C12orf42: variants seen among roughly 807,000 people sequenced by gnomAD.
The protein encoded by C12orf42 is chromosome 12 open reading frame 42.
In C12orf42, 25 loss-of-function variants were observed where a neutral mutation model predicts 21.6. That is an observed-to-expected ratio of 1.16 (90% CI 0.84 to 1.62). The LOEUF (loss-of-function observed/expected upper bound fraction) is 1.62. Ranked by LOEUF, C12orf42 falls within the 40% of genes most tolerant of loss-of-function variation. The pLI, the probability that C12orf42 is intolerant of heterozygous loss-of-function variation, is 0.00. For missense variants in C12orf42, 483 were observed against 459.3 expected (o/e 1.05, Z -0.47); for synonymous variants, 174 against 175.0 (o/e 0.99, Z 0.05).
the C12orf42 span, among the ~76,000 whole-genome samples, chr12:103,552,595 G>C: frequency 8.5e-5 from 13 of 152,164 alleles, no homozygotes; most frequent in Non-Finnish European, 1.3e-4. Flanking sequence ...TCACCCTAGA[G>C]ACAATGCTTG....
chr12:103,051,232 T>C, the C12orf42 span, among the ~76,000 whole-genome samples: 983 of 152,300 alleles, frequency 6.5e-3, 16 homozygotes, highest in African/African-American at 0.022. Flanking sequence ...CTAGTTCTAG[T>C]TGAACCATGC....
the C12orf42 span, among the ~76,000 whole-genome samples, chr12:103,159,825 C>T: frequency 6.6e-6 from 1 of 152,186 alleles, no homozygotes; most frequent in Non-Finnish European, 1.5e-5. Context: ...GGACCCCTGA[C>T]TCTTAGTTAG....
At chr12:103,158,894 A>G in the C12orf42 span, among the ~76,000 whole-genome samples, 7 of 150,188 alleles carry the variant, frequency 4.7e-5, no homozygotes, top group Non-Finnish European at 7.4e-5. Context: ...AAAAAAATGG[A>G]TTGATAGTCT....
intron 3 of C12orf42, among the ~76,000 whole-genome samples, chr12:103,393,422 C>T (rs1346004291): frequency 6.6e-6 from 1 of 152,146 alleles, no homozygotes; most frequent in African/African-American, 2.4e-5. Context: ...GATCCACGTC[C>T]ATAACCCAAA....
At chr12:103,205,673 G>A in the C12orf42 span, among the ~76,000 whole-genome samples, 1 of 152,038 alleles carries the variant, frequency 6.6e-6, no homozygotes, top group Non-Finnish European at 1.5e-5. Context: ...GACATTTATA[G>A]CAGTATTCAT....
At chr12:103,376,134 T>C (rs997824343) in intron 3 of C12orf42, among the ~76,000 whole-genome samples, 3 of 152,144 alleles carry the variant, frequency 2.0e-5, no homozygotes, top group African/African-American at 4.8e-5. Flanking sequence ...CTCTTTACAA[T>C]AGCAAAGACT....
At chr12:103,562,988 C>A in the C12orf42 span, among the ~76,000 whole-genome samples, 6 of 152,192 alleles carry the variant, frequency 3.9e-5, no homozygotes, top group Non-Finnish European at 4.4e-5. Flanking sequence ...TATGTCAATG[C>A]AGTGAGATCC....
chr12:103,547,242 A>C, the C12orf42 span, among the ~76,000 whole-genome samples: 1 of 152,238 alleles, frequency 6.6e-6, no homozygotes, highest in Non-Finnish European at 1.5e-5. Context: ...AAACTAAATA[A>C]AGATTAAATT....
At chr12:103,067,601 C>T in the C12orf42 span, among the ~76,000 whole-genome samples, 1 of 152,116 alleles carries the variant, frequency 6.6e-6, no homozygotes, top group African/African-American at 2.4e-5. Flanking sequence ...GGAAGTGGCA[C>T]CACTCACCAT....
At chr12:103,080,884 G>A in the C12orf42 span, 1 of 152,168 alleles carries the variant, frequency 6.6e-6, no homozygotes, top group African/African-American at 2.4e-5. Flanking sequence ...AGAAAACTGA[G>A]TTTCAAATAG....
intron 2 of C12orf42, among the ~76,000 whole-genome samples, chr12:103,451,638 G>A (rs1006305782): frequency 1.3e-5 from 2 of 152,022 alleles, no homozygotes; most frequent in African/African-American, 4.8e-5. Flanking sequence ...TACAGTTTGG[G>A]GCAATCAGCT....
chr12:103,193,955 C>T, the C12orf42 span, among the ~76,000 whole-genome samples: 1 of 151,944 alleles, frequency 6.6e-6, no homozygotes, highest in South Asian at 2.1e-4. Context: ...GAATTCAAAC[C>T]ACATTAGAAG....
intron 4 of C12orf42, among the ~76,000 whole-genome samples, chr12:103,306,805 C>T (rs2038386862): frequency 6.6e-6 from 1 of 152,046 alleles, no homozygotes; most frequent in African/African-American, 2.4e-5. Flanking sequence ...AAGATGTAAC[C>T]AAATTAAGAT....
At chr12:103,337,814 C>T (rs1206573886) in intron 4 of C12orf42, among the ~76,000 whole-genome samples, 1 of 152,176 alleles carries the variant, frequency 6.6e-6, no homozygotes, top group Non-Finnish European at 1.5e-5. Flanking sequence ...AGCAAGCCAT[C>T]CAGTATGAAC....
chr12:103,276,409 G>C (rs2035775604), intron 5 of C12orf42, among the ~76,000 whole-genome samples: 1 of 152,082 alleles, frequency 6.6e-6, no homozygotes, highest in South Asian at 2.1e-4. Flanking sequence ...CTCTGCACTA[G>C]GCCCAGCTCT....
intron 4 of C12orf42, among the ~76,000 whole-genome samples, chr12:103,328,932 C>G (rs1474313718): frequency 6.6e-6 from 1 of 152,214 alleles, no homozygotes; most frequent in African/African-American, 2.4e-5. Context: ...ATTCCAGGTA[C>G]TATTTCAAAT....
At chr12:103,179,032 A>G in the C12orf42 span, among the ~76,000 whole-genome samples, 1 of 152,196 alleles carries the variant, frequency 6.6e-6, no homozygotes, top group African/African-American at 2.4e-5. Flanking sequence ...ATTTAGAAGT[A>G]ATTACCCCAT....
chr12:103,165,767 C>A, the C12orf42 span, among the ~76,000 whole-genome samples: 1 of 151,966 alleles, frequency 6.6e-6, no homozygotes, highest in Non-Finnish European at 1.5e-5. Context: ...CCAGGCCGGG[C>A]GCGGTGGCTC....
At chr12:103,222,525 C>T in the C12orf42 span, among the ~76,000 whole-genome samples, 1 of 152,152 alleles carries the variant, frequency 6.6e-6, no homozygotes, top group Non-Finnish European at 1.5e-5. Context: ...ACGTGCAAGT[C>T]ACAGGGGATG....
Sources: allele counts gnomAD v4.1 joint callset (sites outside exome capture counted in the v4.1 genomes callset), GRCh38; gene constraint gnomAD v4.1.1; transcripts MANE v1.5; gene names NCBI Gene and HGNC (gene_info 2026-07-23, HGNC 2026-07-21).